Variants in SCN1A observed in about 807,000 individuals in gnomAD.
The protein encoded by SCN1A is sodium voltage-gated channel alpha subunit 1, also known as sodium channel protein type 1 subunit alpha.
SCN1A carries 13 observed loss-of-function variants against 193.7 expected under a neutral mutation model. The ratio of observed to expected loss-of-function variants is 0.07; its 90% CI spans 0.04 to 0.11. SCN1A has a LOEUF of 0.11. Among genes scored for constraint, SCN1A ranks in the 10% least tolerant of loss-of-function variants. The pLI is 1.00. For missense variants in SCN1A, 1,432 were observed against 2,451.1 expected, an observed-to-expected ratio of 0.58 and a Z score of 8.78; for synonymous variants, 781 against 843.6, an observed-to-expected ratio of 0.93 and a Z score of 1.29.
chr2:166,047,891 T>A, intron 10 of SCN1A, 123 bp from the exon 11 acceptor site: 1 of 1,304,024 alleles, frequency 7.7e-7, no homozygotes, highest in Non-Finnish European at 1.1e-6. Context: ...GACAAATAAG[T>A]AACTAATCTA....
intron 27 of SCN1A, 49 bp downstream of exon 27, chr2:165,995,964 C>T (rs1341651643): frequency 4.0e-6 from 5 of 1,252,020 alleles, no homozygotes; most frequent in Non-Finnish European, 5.9e-6. Flanking sequence ...GACAAGCATG[C>T]AAGTTTTTGT....
In SCN1A at chr2:166,048,914, G is replaced by C. The variant is rs201870762; in HGVS notation, c.1000C>G (p.Leu334Val). 1.5e-4 allele frequency: 247 copies of C among 1,606,378 alleles called. No individual in the cohort carries two copies. The highest frequency in any genetic ancestry group is 6.5e-4 in the Admixed American group (39 of 59,868). ...HYFLEGFLDA[L>V]LCGNSSDAGQ... Reference sequence around the variant, plus strand: ...GCATCAGAGCTATTTCCACATAGTAGTGCATCTAAAAAACCCTCCAGGAAA... The same window carrying C: ...GCATCAGAGCTATTTCCACATAGTACTGCATCTAAAAAACCCTCCAGGAAA... Residue 334 changes from leucine (L) to valine (V), a missense_variant, in exon 10 of 29, where the codon CTA becomes GTA. This residue lies in a region of SCN1A where 52 missense variants were observed against 59.6 expected (regional missense o/e 0.87). Coordinates refer to ENST00000674923, the MANE Select transcript of SCN1A (RefSeq NM_001165963.4).
Position 166,009,852 on chromosome 2 carries a change from A to G in SCN1A, c.3880-11T>C. The G allele has an allele frequency of 6.2e-7, 1 of 1,603,866 alleles. No homozygotes were observed. Among genetic ancestry groups the G allele is most frequent in the Non-Finnish European group, 8.5e-7 (1 of 1,172,594 alleles). On this transcript the variant is annotated splice_polypyrimidine_tract_variant and intron_variant, in intron 22 of 28. Transcript: ENST00000674923. ...ACTGACCAATGAAACCTGCACACAC[A>G]AAAATAATAACAATTAATAAACAGA...
rs1295648726 is a variant in SCN1A at position 165,991,305 on chromosome 2, T to G, written c.5970A>C (p.Thr1990=). The G allele has an allele frequency of 4.3e-6, 7 of 1,613,672 alleles. No individual in the cohort carries two copies. The South Asian group carries it at 5.5e-5, about 13-fold the overall frequency. ...AACPPSYDRV[T]KPIVEKHEQE... ...GCTCATGTTTTTCCACAATTGGCTT[T>G]GTCACCCGGTCATAGGAAGGTGGAC... The change falls in exon 29 of 29, where the codon ACA becomes ACC. Residue 1990 remains threonine (T), a synonymous_variant. Coordinates refer to ENST00000674923, the MANE Select transcript of SCN1A (RefSeq NM_001165963.4).
At position 166,058,186 on chromosome 2, in the gene SCN1A, C is replaced by G. The variant is rs192075248; in HGVS notation, c.383+384G>C. ...ATCATAACTATGGATAAACTTGAGT[C>G]TGGAAGTAGATTTTTCTGTTATCAT... is the stretch of plus-strand genomic sequence containing the variant. On this transcript the variant is annotated intron_variant, in intron 5 of 28. Coordinates refer to ENST00000674923, the MANE Select transcript of SCN1A (RefSeq NM_001165963.4). Among the ~76,000 whole-genome samples the G allele has an allele frequency of 1.3e-3, 201 of 152,128 alleles. 1 individual carries two copies. The highest frequency in any genetic ancestry group is 4.6e-3 in the African/African-American group (191 of 41,558).
intron 2 of SCN1A, among the ~76,000 whole-genome samples, chr2:166,097,498 T>C (rs1687522682): frequency 6.6e-6 from 1 of 152,110 alleles, no homozygotes; most frequent in Non-Finnish European, 1.5e-5. Flanking sequence ...TGCTATATGT[T>C]TAAAAAAATG....
At chr2:166,086,463 C>T (rs1031903929) in intron 2 of SCN1A, among the ~76,000 whole-genome samples, 4 of 152,182 alleles carry the variant, frequency 2.6e-5, no homozygotes, top group Non-Finnish European at 5.9e-5. Flanking sequence ...GCATGAAGCT[C>T]AGTTGAGGAT....
At chr2:166,053,264 A>G in intron 7 of SCN1A, 2 of 603,322 alleles carry the variant, frequency 3.3e-6, no homozygotes, top group South Asian at 2.1e-5. Flanking sequence ...AGATTCCATC[A>G]TTAATCTTTG....
intron 7 of SCN1A, among the ~76,000 whole-genome samples, chr2:166,053,860 A>AT (rs1328968843): frequency 6.6e-6 from 1 of 151,816 alleles, no homozygotes; most frequent in Non-Finnish European, 1.5e-5. Flanking sequence ...GTTTTCTATT[A>AT]TTTTTCTGGG....
intron 2 of SCN1A, among the ~76,000 whole-genome samples, chr2:166,102,359 G>A (rs1396004671): frequency 3.9e-5 from 6 of 152,002 alleles, no homozygotes; most frequent in African/African-American, 7.2e-5. Flanking sequence ...AGCCGGGTGT[G>A]GTGGTGGGCG....
rs921465681 is a variant in SCN1A, at chr2:166,054,882, T to C, written c.474-116A>G. ...ATACTAAAAAAGAAAACTAAGCAGA[T>C]GGATTTTAATTTCATACAAATGAAA... On this transcript the variant is annotated intron_variant, in intron 6 of 28. Transcript: ENST00000674923. 14 of 906,730 alleles carry C rather than the reference T, an allele frequency of 1.5e-5. No individual in the cohort carries two copies. The African/African-American group carries it at 2.4e-4, about 15-fold the overall frequency. The allele number at this position is 906,730 out of a possible 1,614,324, so 56.2% of individuals were successfully genotyped here. A position where few individuals can be genotyped will look rare whatever the true frequency, so the allele number is the denominator to read the frequency against.
At chr2:166,118,503 C>T (rs1215780497) in intron 2 of SCN1A, among the ~76,000 whole-genome samples, 1 of 151,670 alleles carries the variant, frequency 6.6e-6, no homozygotes, top group Non-Finnish European at 1.5e-5. Flanking sequence ...ACAGACTCCT[C>T]AAATCACCTG....
chr2:166,099,518 T>C (rs1465531266), intron 2 of SCN1A, among the ~76,000 whole-genome samples: 2 of 138,912 alleles, frequency 1.4e-5, no homozygotes, highest in East Asian at 2.1e-4. Context: ...CCAGGGCAAT[T>C]AGGCAGGAGA....
chr2:166,113,983 T>C (rs1689579717), intron 2 of SCN1A, among the ~76,000 whole-genome samples: 1 of 152,004 alleles, frequency 6.6e-6, no homozygotes, highest in Admixed American at 6.5e-5. Context: ...TTAATAATTC[T>C]CTTTCTTAGA....
At chr2:166,041,608 A>C (rs1697202911) in intron 15 of SCN1A, 139 bp from the exon 16 acceptor site, 1 of 673,742 alleles carries the variant, frequency 1.5e-6, no homozygotes, top group South Asian at 1.8e-5. Flanking sequence ...CTTGTTAAAA[A>C]AATTACAGTT....
chr2:166,030,792 A>T (rs1353046823), intron 19 of SCN1A, among the ~76,000 whole-genome samples: 1 of 152,108 alleles, frequency 6.6e-6, no homozygotes, highest in Non-Finnish European at 1.5e-5. Flanking sequence ...ATTATTGGGC[A>T]ACTGTTATGC....
intron 19 of SCN1A, among the ~76,000 whole-genome samples, chr2:166,026,117 A>G (rs935298338): frequency 3.3e-5 from 5 of 152,074 alleles, no homozygotes; most frequent in African/African-American, 1.2e-4. Context: ...ACTTTTATAG[A>G]AATATTCCAT....
intron 19 of SCN1A, among the ~76,000 whole-genome samples, chr2:166,023,581 G>A (rs2105702671): frequency 6.6e-6 from 1 of 152,222 alleles, no homozygotes; most frequent in African/African-American, 2.4e-5. Context: ...GATATGAAGT[G>A]AGGACTGATG....
chr2:166,049,299 A>T (rs1698256631), intron 9 of SCN1A, among the ~76,000 whole-genome samples: 1 of 152,066 alleles, frequency 6.6e-6, no homozygotes, highest in African/African-American at 2.4e-5. Context: ...TTTGTTCACC[A>T]TTCTCACGAA....
Sources: allele counts gnomAD v4.1 joint callset (sites outside exome capture counted in the v4.1 genomes callset), GRCh38; gene constraint gnomAD v4.1.1; regional missense constraint gnomAD v4.1.1; transcripts MANE v1.5; gene names NCBI Gene and HGNC (gene_info 2026-07-23, HGNC 2026-07-21).